Variants in WDR7 observed in about 807,000 individuals in gnomAD.
WDR7 encodes the protein WD repeat domain 7, also known as WD repeat-containing protein 7.
Under a neutral mutation model 169.4 loss-of-function variants are expected in WDR7, and 46 were observed. The ratio of observed to expected loss-of-function variants is 0.27; its 90% confidence interval spans 0.21 to 0.35. The LOEUF is 0.35. WDR7 is among the 10% of genes least tolerant of loss of function. WDR7 has a pLI of 1.00. For synonymous variants in WDR7, 612 were observed against 666.8 expected, an observed-to-expected ratio of 0.92 and a Z score of 1.27; for missense variants, 1,534 against 1,859.3, an observed-to-expected ratio of 0.83 and a Z score of 3.22.
At chr18:56,693,180 G>A (rs891585126) in intron 9 of WDR7, among the ~76,000 whole-genome samples, 1 of 152,186 alleles carries the variant, frequency 6.6e-6, no homozygotes, top group African/African-American at 2.4e-5. Context: ...ACCAGTATTT[G>A]AATACAGTAA....
chr18:56,840,331 A>G (rs764390795), intron 20 of WDR7, among the ~76,000 whole-genome samples: 1 of 152,208 alleles, frequency 6.6e-6, no homozygotes, highest in Non-Finnish European at 1.5e-5. Context: ...TGATCAAGAT[A>G]TATGAAAGTA....
rs2046595907 is a variant in WDR7, at chr18:56,914,410, A to G, written c.3527-9512A>G. Among the ~76,000 whole-genome samples, 7 of 152,308 alleles carry G rather than the reference A, an allele frequency of 4.6e-5. No individual in the cohort carries two copies. In the South Asian group the frequency reaches 1.5e-3, roughly 32 times the overall value. On this transcript the variant is annotated intron_variant, in intron 21 of 27. Transcript: ENST00000254442. ...TTCAGAAGAGCATAGACTTTTGTAAATCTGCACTTAAAATAGGGCCTGGTA... is the reference window on the plus strand; with the variant it reads ...TTCAGAAGAGCATAGACTTTTGTAAGTCTGCACTTAAAATAGGGCCTGGTA...
intron 26 of WDR7, among the ~76,000 whole-genome samples, chr18:57,013,710 GCA>G (rs1289255013): frequency 6.6e-6 from 1 of 152,198 alleles, no homozygotes; most frequent in African/African-American, 2.4e-5. Context: ...AGGCTTTAGA[GCA>G]GGGGTTGATC....
intron 25 of WDR7, among the ~76,000 whole-genome samples, chr18:56,940,931 C>G (rs2047028351): frequency 6.6e-6 from 1 of 152,148 alleles, no homozygotes; most frequent in South Asian, 2.1e-4. Context: ...ACTTTTGTTT[C>G]CTATTATGTG....
At chr18:56,700,437 A>T (rs1332846284) in intron 12 of WDR7, among the ~76,000 whole-genome samples, 3 of 150,634 alleles carry the variant, frequency 2.0e-5, no homozygotes, top group Non-Finnish European at 3.0e-5. Flanking sequence ...TTGTATTTTT[A>T]GTAGAGACAG....
At position 56,776,805 on chromosome 18, in the gene WDR7, C is replaced by T. The variant is rs777120067; in HGVS notation, c.2872C>T (p.Arg958Trp). The change falls in exon 17 of 28, where the codon CGG (arginine) becomes TGG (tryptophan). Residue 958 changes from arginine (R) to tryptophan (W), a missense_variant. Arg to Trp is a moderately radical substitution (Grantham distance 101). Coordinates refer to ENST00000254442, the MANE Select transcript of WDR7 (RefSeq NM_015285.3). ...KQVAAPVVSA[R>W]SDADHSGSDP... ...AGTTGCTGCACCTGTCGTTTCCGCT[C>T]GGTCTGATGCTGATCACTCTGGCTC... 9 of 1,613,772 alleles carry T rather than the reference C, an allele frequency of 5.6e-6. No individual in the cohort carries two copies. Among genetic ancestry groups the T allele is most frequent in the African/African-American group, 2.7e-5 (2 of 74,888 alleles).
chr18:56,819,522 T>A (rs1027876129), intron 20 of WDR7, among the ~76,000 whole-genome samples: 1 of 152,198 alleles, frequency 6.6e-6, no homozygotes, highest in Admixed American at 6.5e-5. Flanking sequence ...CCTTTAACCA[T>A]AGGTTTTAAA....
intron 20 of WDR7, 31 bp downstream of exon 20, chr18:56,816,175 G>A: frequency 6.4e-7 from 1 of 1,570,878 alleles, no homozygotes; most frequent in South Asian, 1.2e-5. Flanking sequence ...CGTCTGATTG[G>A]AGCTTTGTTT....
At chr18:56,786,585 G>A (rs2044404707) in intron 19 of WDR7, among the ~76,000 whole-genome samples, 1 of 151,718 alleles carries the variant, frequency 6.6e-6, no homozygotes, top group Non-Finnish European at 1.5e-5. Context: ...ATTGAGTACT[G>A]TGAGAATTTT....
intron 7 of WDR7, among the ~76,000 whole-genome samples, chr18:56,689,026 G>A (rs1334992883): frequency 6.6e-6 from 1 of 152,088 alleles, no homozygotes. Context: ...GGAACACTCA[G>A]CAGGAAATTG....
chr18:57,036,294 C>A, the WDR7 span: 1 of 152,314 alleles, frequency 6.6e-6, no homozygotes, highest in Non-Finnish European at 1.5e-5. Flanking sequence ...TTGTCGGCAG[C>A]TGATATTTCC....
At chr18:56,922,423 T>C (rs1164811424) in intron 21 of WDR7, among the ~76,000 whole-genome samples, 1 of 152,158 alleles carries the variant, frequency 6.6e-6, no homozygotes, top group African/African-American at 2.4e-5. Flanking sequence ...TGGCAGAAAA[T>C]AGAAAAATGT....
chr18:56,900,232 A>G (rs2046384890), intron 21 of WDR7, among the ~76,000 whole-genome samples: 1 of 151,912 alleles, frequency 6.6e-6, no homozygotes, highest in Non-Finnish European at 1.5e-5. Flanking sequence ...TAGTAACTGA[A>G]TTGTACTACT....
chr18:56,858,374 A>T (rs547683246), intron 20 of WDR7, among the ~76,000 whole-genome samples: 25 of 152,296 alleles, frequency 1.6e-4, no homozygotes, highest in Admixed American at 4.6e-4. Context: ...TAATTCAAAA[A>T]TTTCCGTGGC....
intron 19 of WDR7, among the ~76,000 whole-genome samples, chr18:56,815,821 A>G (rs927359765): frequency 1.3e-5 from 2 of 152,242 alleles, no homozygotes; most frequent in Non-Finnish European, 1.5e-5. Flanking sequence ...AAGTAAATAC[A>G]GTACATACCC....
intron 26 of WDR7, among the ~76,000 whole-genome samples, chr18:57,003,654 T>C (rs1330247127): frequency 4.6e-5 from 7 of 152,142 alleles, no homozygotes; most frequent in Non-Finnish European, 8.8e-5. Flanking sequence ...AATGTAATGA[T>C]TTGGATCACA....
At chr18:57,014,599 G>A (rs1274531280) in intron 26 of WDR7, among the ~76,000 whole-genome samples, 1 of 152,046 alleles carries the variant, frequency 6.6e-6, no homozygotes, top group East Asian at 1.9e-4. Flanking sequence ...GGAGGTTGCA[G>A]TGAGCCGAGA....
intron 26 of WDR7, among the ~76,000 whole-genome samples, chr18:56,963,981 A>G (rs975851322): frequency 2.0e-5 from 3 of 151,958 alleles, no homozygotes; most frequent in African/African-American, 7.2e-5. Flanking sequence ...CTTCTTTAAA[A>G]ATGAAGTGAG....
chr18:56,812,170 A>G lies in WDR7; in HGVS notation c.3191-3861A>G, dbSNP rs571303241. Among the ~76,000 whole-genome samples, 3 of 152,282 alleles carry G rather than the reference A, an allele frequency of 2.0e-5. No individual in the cohort carries two copies. In the East Asian group the frequency reaches 5.8e-4, roughly 29 times the overall value. ...ATCAGTGTTTTGTAGTTGTCAGCAT[A>G]CAAGACCTGTTTGTGGTTTTTCAGA... On this transcript the variant is annotated intron_variant, in intron 19 of 27. Transcript: ENST00000254442.
Sources: gnomAD v4.1 joint callset for allele counts (sites outside exome capture counted in the v4.1 genomes callset) on GRCh38, gnomAD v4.1.1 for gene constraint, MANE v1.5 for transcripts, NCBI Gene and HGNC (gene_info 2026-07-23, HGNC 2026-07-21) for gene names.